The following SNX29 variants were observed in gnomAD, a reference collection of about 807,000 sequenced individuals.
SNX29 encodes the protein sorting nexin 29.
SNX29 carries 78 observed loss-of-function variants against 102.1 expected under a neutral mutation model. The ratio of observed to expected loss-of-function variants is 0.76; its 90% CI spans 0.64 to 0.92. The LOEUF (loss-of-function observed/expected upper bound fraction) is 0.92. Among genes scored for constraint, SNX29 ranks in the 40% least tolerant of loss-of-function variants. The probability of loss-of-function intolerance (pLI) is 0.00; values close to 1 mark genes in which losing one functional copy is unlikely to be tolerated. For missense variants in SNX29, 1,280 were observed against 1,061.7 expected (o/e 1.21, Z -2.86); for synonymous variants, 580 against 414.5 (o/e 1.40, Z -4.85).
At chr16:12,108,424 G>A (rs1330388579) in intron 11 of SNX29, among the ~76,000 whole-genome samples, 1 of 152,228 alleles carries the variant, frequency 6.6e-6, no homozygotes, top group Non-Finnish European at 1.5e-5. Context: ...AAGTCAGCAG[G>A]TGCACCAGAA....
intron 18 of SNX29, among the ~76,000 whole-genome samples, chr16:12,468,595 C>T (rs1254889203): frequency 3.3e-5 from 5 of 152,068 alleles, no homozygotes; most frequent in Non-Finnish European, 7.3e-5. Context: ...GCCTGTGTTT[C>T]TATGGGTGAT....
chr16:12,087,708 A>T (rs1361088976), intron 11 of SNX29: 1 of 381,872 alleles, frequency 2.6e-6, no homozygotes, highest in East Asian at 7.2e-5. Context: ...AGGTACAGGC[A>T]TTACTGGTCC....
intron 20 of SNX29, among the ~76,000 whole-genome samples, chr16:12,549,924 C>T (rs990249345): frequency 1.3e-5 from 2 of 152,206 alleles, no homozygotes; most frequent in African/African-American, 4.8e-5. Context: ...CCAAATCTTA[C>T]CCTCCACCTG....
intron 19 of SNX29, among the ~76,000 whole-genome samples, chr16:12,502,362 G>T (rs1160632079): frequency 1.3e-5 from 2 of 152,172 alleles, no homozygotes; most frequent in African/African-American, 4.8e-5. Context: ...CGAGGGCGCT[G>T]TGAGGATTGA....
At chr16:12,481,169 A>G (rs774526018) in intron 19 of SNX29, among the ~76,000 whole-genome samples, 1 of 152,130 alleles carries the variant, frequency 6.6e-6, no homozygotes, top group Non-Finnish European at 1.5e-5. Context: ...AAAAGACACC[A>G]TCTTAGTGGG....
intron 19 of SNX29, among the ~76,000 whole-genome samples, chr16:12,494,208 C>T (rs1053380208): frequency 1.3e-5 from 2 of 152,056 alleles, no homozygotes; most frequent in African/African-American, 4.8e-5. Context: ...TCTTGCTGTC[C>T]CCTCATTGGA....
chr16:12,519,839 C>G (rs904750039), intron 19 of SNX29, among the ~76,000 whole-genome samples: 1 of 152,032 alleles, frequency 6.6e-6, no homozygotes, highest in East Asian at 1.9e-4. Flanking sequence ...GAAACCCTGT[C>G]TCTGTTAAAA....
intron 13 of SNX29, among the ~76,000 whole-genome samples, chr16:12,148,220 G>A (rs1450529913): frequency 2.0e-5 from 3 of 152,216 alleles, no homozygotes; most frequent in Non-Finnish European, 2.9e-5. Flanking sequence ...GGTTAAAGTG[G>A]AGAGGTGGGG....
At chr16:12,550,266 G>A (rs2077886975) in intron 20 of SNX29, among the ~76,000 whole-genome samples, 1 of 152,194 alleles carries the variant, frequency 6.6e-6, no homozygotes, top group Admixed American at 6.5e-5. Flanking sequence ...GCCAGACACA[G>A]AGGCTTATAC....
At chr16:12,465,683 A>G (rs1263676011) in intron 18 of SNX29, among the ~76,000 whole-genome samples, 1 of 152,124 alleles carries the variant, frequency 6.6e-6, no homozygotes, top group Non-Finnish European at 1.5e-5. Flanking sequence ...TGGCTATTCA[A>G]GGTCTTCTGT....
intron 3 of SNX29, among the ~76,000 whole-genome samples, chr16:12,020,843 G>A (rs2056998338): frequency 6.6e-6 from 1 of 151,470 alleles, no homozygotes; most frequent in South Asian, 2.1e-4. Flanking sequence ...AGGCTGGTCT[G>A]GAACTCCTGA....
At chr16:12,378,254 C>T (rs2082948231) in intron 16 of SNX29, among the ~76,000 whole-genome samples, 1 of 152,116 alleles carries the variant, frequency 6.6e-6, no homozygotes, top group Non-Finnish European at 1.5e-5. Context: ...CTCGTGGCAG[C>T]AGAAGGCAGA....
chr16:12,247,107 G>C (rs1395883018), intron 14 of SNX29, among the ~76,000 whole-genome samples: 1 of 152,164 alleles, frequency 6.6e-6, no homozygotes, highest in Non-Finnish European at 1.5e-5. Context: ...AGGGCTGGTG[G>C]TATCAGCCCT....
At chr16:12,262,055 G>A (rs2078789009) in intron 14 of SNX29, among the ~76,000 whole-genome samples, 1 of 148,966 alleles carries the variant, frequency 6.7e-6, no homozygotes, top group African/African-American at 2.5e-5. Context: ...GCTGGAGTGA[G>A]TGTTTGCTGA....
chr16:12,434,600 G>A (rs1485004209), intron 18 of SNX29, among the ~76,000 whole-genome samples: 2 of 152,114 alleles, frequency 1.3e-5, no homozygotes, highest in African/African-American at 4.8e-5. Context: ...AACCCCCAAA[G>A]CAGGGCCTTC....
chr16:12,540,887 G>T (rs1316009426), intron 20 of SNX29, among the ~76,000 whole-genome samples: 5 of 152,210 alleles, frequency 3.3e-5, no homozygotes, highest in African/African-American at 1.2e-4. Flanking sequence ...TCTGGACCCA[G>T]AGCTGGAGGG....
In SNX29 at chr16:12,381,062, TACCCACCTACCATCCATCC is replaced by T. The variant is rs1461441881; in HGVS notation, c.1900-17376_1900-17358del. ...TCCATCCACCCACCTACCATCCATC[TACCCACCTACCATCCATCC>T]ACCCACCCACCATCCATCCACCCAC... On this transcript the variant is annotated intron_variant, in intron 16 of 20. Transcript: ENST00000566228. Among the ~76,000 whole-genome samples, 10 of 6,340 alleles carry T rather than the reference TACCCACCTACCATCCATCC, an allele frequency of 1.6e-3. 1 individual carries two copies. Among genetic ancestry groups the T allele is most frequent in the African/African-American group, 7.9e-3 (9 of 1,142 alleles). The allele number at this position is 6,340 out of a possible 152,430, so 4.2% of individuals were successfully genotyped here.
At chr16:12,265,241 T>A (rs1260531835) in intron 14 of SNX29, among the ~76,000 whole-genome samples, 1 of 152,156 alleles carries the variant, frequency 6.6e-6, no homozygotes, top group East Asian at 1.9e-4. Context: ...AGCAAAGAAG[T>A]TTTCACTGTC....
chr16:12,037,994 A>T (rs1354323881), intron 4 of SNX29, among the ~76,000 whole-genome samples: 1 of 151,140 alleles, frequency 6.6e-6, no homozygotes, highest in Admixed American at 6.6e-5. Context: ...AAAACAAAAC[A>T]AAAAAAACCC....
Sources: allele counts gnomAD v4.1 joint callset (sites outside exome capture counted in the v4.1 genomes callset), GRCh38; gene constraint gnomAD v4.1.1; transcripts MANE v1.5; gene names NCBI Gene and HGNC (gene_info 2026-07-23, HGNC 2026-07-21).